The following NSRP1 variants were observed in gnomAD, a reference collection of about 807,000 sequenced individuals.
NSRP1 encodes coiled-coil domain containing 55.
In NSRP1, 24 loss-of-function variants were observed where a neutral mutation model predicts 54.7. The ratio of observed to expected loss-of-function variants is 0.44; its 90% CI spans 0.32 to 0.62. NSRP1 has a LOEUF of 0.62. NSRP1 is among the 20% of genes least tolerant of loss of function. The pLI is 0.06. For missense variants in NSRP1, 596 were observed against 651.2 expected (o/e 0.92, Z 0.92); for synonymous variants, 210 against 213.8 (o/e 0.98, Z 0.15).
chr17:30,180,999 C>T lies in NSRP1; in HGVS notation c.600C>T (p.Cys200=). Residue 200 remains cysteine, a synonymous_variant, in exon 6 of 7, where the codon TGC becomes TGT. Coordinates refer to ENST00000247026, the MANE Select transcript of NSRP1 (RefSeq NM_032141.4). ...QAVGEEEVPK[C]SFREARSGIK... ...TTGGTGAAGAGGAAGTACCTAAATG[C>T]AGCTTTCGTGAAGCCAGGTGAGGAG... The T allele has an allele frequency of 1.7e-5, 28 of 1,608,278 alleles. No individual in the cohort carries two copies. Among genetic ancestry groups the T allele is most frequent in the Non-Finnish European group, 2.4e-5 (28 of 1,174,808 alleles).
At chr17:30,155,739 C>G (rs780172929) in intron 2 of NSRP1, among the ~76,000 whole-genome samples, 1 of 152,226 alleles carries the variant, frequency 6.6e-6, no homozygotes, top group Middle Eastern at 3.4e-3. Context: ...TTACCCTTTC[C>G]ATGTGTGTTC....
At chr17:30,138,682 G>T (rs2151885748) in intron 2 of NSRP1, among the ~76,000 whole-genome samples, 1 of 152,152 alleles carries the variant, frequency 6.6e-6, no homozygotes, top group African/African-American at 2.4e-5. Flanking sequence ...TATACTTTGG[G>T]GGGTGGAGGG....
chr17:30,116,991 A>T (rs754370170), intron 1 of NSRP1, 128 bp downstream of exon 1: 1 of 1,224,882 alleles, frequency 8.2e-7, no homozygotes, highest in Non-Finnish European at 1.2e-6. Flanking sequence ...ACGGGAAAAA[A>T]CGAGAAGTCC....
intron 2 of NSRP1, among the ~76,000 whole-genome samples, chr17:30,154,106 C>G (rs1159752753): frequency 4.0e-5 from 6 of 151,298 alleles, no homozygotes; most frequent in Non-Finnish European, 5.9e-5. Context: ...TGCTTAAACC[C>G]AGGAAGGAGT....
At chr17:30,117,242 G>GTCTA (rs2071543808) in intron 1 of NSRP1, 1 of 608,480 alleles carries the variant, frequency 1.6e-6, no homozygotes, top group South Asian at 2.0e-5. Context: ...TTCCTTAGAG[G>GTCTA]GCCTTGTTCT....
intron 3 of NSRP1, among the ~76,000 whole-genome samples, chr17:30,177,552 G>A (rs1905169682): frequency 6.6e-6 from 1 of 152,066 alleles, no homozygotes; most frequent in East Asian, 1.9e-4. Flanking sequence ...CATCATTTGA[G>A]ATGGAAGGAA....
intron 3 of NSRP1, among the ~76,000 whole-genome samples, chr17:30,174,040 A>G (rs1406607769): frequency 6.6e-6 from 1 of 152,242 alleles, no homozygotes; most frequent in Non-Finnish European, 1.5e-5. Context: ...TGGAGATACC[A>G]TTAAGTTCAA....
chr17:30,141,214 G>A (rs1013171096), intron 2 of NSRP1, among the ~76,000 whole-genome samples: 3 of 151,808 alleles, frequency 2.0e-5, no homozygotes, highest in African/African-American at 7.3e-5. Flanking sequence ...ATCTTCCTTT[G>A]ATATTAGTTT....
chr17:30,158,084 T>C (rs1234542860), intron 2 of NSRP1, among the ~76,000 whole-genome samples: 1 of 152,218 alleles, frequency 6.6e-6, no homozygotes, highest in Non-Finnish European at 1.5e-5. Context: ...TTTACTAATT[T>C]ACATTCCCAC....
intron 2 of NSRP1, among the ~76,000 whole-genome samples, chr17:30,146,451 A>C (rs950973530): frequency 1.3e-5 from 2 of 151,976 alleles, no homozygotes; most frequent in African/African-American, 2.4e-5. Flanking sequence ...CTGGTCTCAA[A>C]CTCCTGGGCT....
intron 2 of NSRP1, among the ~76,000 whole-genome samples, chr17:30,132,064 T>C (rs572778389): frequency 6.3e-4 from 95 of 151,618 alleles, no homozygotes; most frequent in Admixed American, 3.2e-3. Context: ...CTGGCTAACA[T>C]GGTGAAACCC....
At chr17:30,117,971 G>C in intron 1 of NSRP1, 109 bp from the exon 2 acceptor site, 1 of 861,664 alleles carries the variant, frequency 1.2e-6, no homozygotes, top group Non-Finnish European at 1.9e-6. Flanking sequence ...TGTTCATAAA[G>C]CTTATGACAT....
intron 2 of NSRP1, among the ~76,000 whole-genome samples, chr17:30,125,257 T>C (rs1366415594): frequency 2.6e-5 from 4 of 152,208 alleles, no homozygotes; most frequent in Non-Finnish European, 5.9e-5. Flanking sequence ...CTTTCATAAT[T>C]AGTCAACAAT....
At chr17:30,120,913 A>G (rs1314412924) in intron 2 of NSRP1, among the ~76,000 whole-genome samples, 1 of 152,220 alleles carries the variant, frequency 6.6e-6, no homozygotes, top group Non-Finnish European at 1.5e-5. Flanking sequence ...GAAATGATTC[A>G]CTTTGTTGCA....
intron 2 of NSRP1, among the ~76,000 whole-genome samples, chr17:30,171,970 ACACTCCCTCTCT>A (rs1904955191): frequency 1.0e-5 from 1 of 99,052 alleles, no homozygotes; most frequent in African/African-American, 3.5e-5. Flanking sequence ...ACACACACAC[ACACTCCCTCTCT>A]CTCTCTCTCT....
Position 30,185,530 on chromosome 17 carries a change from A to G in NSRP1, c.1533A>G (p.Lys511=), listed in dbSNP as rs750133734. The G allele has an allele frequency of 1.2e-6, 2 of 1,614,162 alleles. No individual in the cohort carries two copies. Among genetic ancestry groups the G allele is most frequent in the Admixed American group, 3.3e-5 (2 of 60,002 alleles). ...CAGAGGAAGGGCAAGAGAAGGGTAA[A>G]GAACAAGAGAGACCACCTGAGGCAG... ...RLTEEGQEKG[K]EQERPPEAVS... The change falls in exon 7 of 7, where the codon AAA becomes AAG. Residue 511 remains lysine (K), a synonymous_variant. Transcript: ENST00000247026.
intron 2 of NSRP1, among the ~76,000 whole-genome samples, chr17:30,135,833 A>G (rs1382947321): frequency 6.6e-6 from 1 of 152,140 alleles, no homozygotes; most frequent in Non-Finnish European, 1.5e-5. Flanking sequence ...CCCCATTCAT[A>G]TAGGTGAAAT....
intron 2 of NSRP1, among the ~76,000 whole-genome samples, chr17:30,147,277 C>T (rs1339871522): frequency 5.9e-5 from 9 of 151,412 alleles, no homozygotes; most frequent in Non-Finnish European, 1.0e-4. Context: ...TACAGGCCTC[C>T]GCCACCATGC....
intron 1 of NSRP1, 144 bp from the exon 2 acceptor site, chr17:30,117,936 T>C (rs2071557402): frequency 1.6e-6 from 1 of 615,902 alleles, no homozygotes; most frequent in Admixed American, 2.9e-5. Context: ...TTGAGATCAC[T>C]GAGAAGCAAA....
Sources: gnomAD v4.1 joint callset for allele counts (sites outside exome capture counted in the v4.1 genomes callset) on GRCh38, gnomAD v4.1.1 for gene constraint, MANE v1.5 for transcripts, NCBI Gene and HGNC (gene_info 2026-07-23, HGNC 2026-07-21) for gene names.